DNAH11: variants seen among roughly 807,000 people sequenced by gnomAD.
DNAH11 encodes the protein dynein axonemal heavy chain 11, also known as axonemal beta dynein heavy chain 11.
DNAH11 carries 442 observed loss-of-function variants against 526.0 expected under a neutral mutation model. That is an observed-to-expected ratio of 0.84 (90% CI 0.78 to 0.91). The LOEUF (loss-of-function observed/expected upper bound fraction) is 0.91. Among genes scored for constraint, DNAH11 ranks in the 40% least tolerant of loss-of-function variants. DNAH11 has a pLI of 0.00. For synonymous variants in DNAH11, 2,461 were observed against 1,935.9 expected (o/e 1.27, Z -7.12); for missense variants, 6,989 against 5,448.7 (o/e 1.28, Z -8.90).
At position 21,589,241 on chromosome 7, in the gene DNAH11, T is replaced by C; in HGVS notation, c.2007T>C (p.Tyr669=). Residue 669 remains tyrosine, a synonymous_variant, in exon 12 of 82, where the codon TAT becomes TAC. Transcript: ENST00000409508. Reference sequence around the variant, plus strand: ...GCAATCCTGATCACGCTTTAGTTTATCAAAAGTATGTTGAAATGACCACTT... The same window carrying C: ...GCAATCCTGATCACGCTTTAGTTTACCAAAAGTATGTTGAAATGACCACTT... ...FLGNPDHALV[Y]QKYVEMTTLL... is the part of the protein sequence containing the mutation. The C allele has an allele frequency of 6.2e-7, 1 of 1,610,150 alleles. No individual in the cohort carries two copies. Among genetic ancestry groups the C allele is most frequent in the South Asian group, 1.1e-5 (1 of 89,774 alleles).
At chr7:21,606,881 T>A in intron 20 of DNAH11, 148 bp downstream of exon 20, 1 of 708,336 alleles carries the variant, frequency 1.4e-6, no homozygotes, top group Non-Finnish European at 2.3e-6. Context: ...AATTTCCCCT[T>A]AAGTAAATTG....
In DNAH11 at chr7:21,544,992, T is replaced by C; in HGVS notation, c.352-14T>C. 10 of 1,562,836 alleles carry C rather than the reference T, an allele frequency of 6.4e-6. No individual in the cohort carries two copies. The highest frequency in any genetic ancestry group is 8.7e-6 in the Non-Finnish European group (10 of 1,153,132). On this transcript the variant is annotated splice_polypyrimidine_tract_variant and intron_variant, in intron 1 of 81. Transcript: ENST00000409508. ...AGAAAACTACTTGAACTAATTATCT[T>C]GCTCTTGTTTTAGATTCCAAGAGAT...
intron 65 of DNAH11, among the ~76,000 whole-genome samples, chr7:21,829,519 C>T (rs1411721115): frequency 6.6e-6 from 1 of 152,166 alleles, no homozygotes; most frequent in African/African-American, 2.4e-5. Context: ...TCTGGTCTAC[C>T]ACAATAGTAA....
chr7:21,573,792 A>G (rs1463303176), intron 8 of DNAH11, among the ~76,000 whole-genome samples: 1 of 152,094 alleles, frequency 6.6e-6, no homozygotes, highest in Non-Finnish European at 1.5e-5. Flanking sequence ...ATCCCCTCTG[A>G]CTACAAACTA....
intron 66 of DNAH11, among the ~76,000 whole-genome samples, chr7:21,850,424 A>C (rs1386674751): frequency 1.3e-5 from 2 of 151,364 alleles, no homozygotes; most frequent in African/African-American, 2.4e-5. Context: ...TTTTATGTCT[A>C]GCATTTCCTT....
intron 30 of DNAH11, among the ~76,000 whole-genome samples, chr7:21,679,643 G>A (rs1783058582): frequency 6.6e-6 from 1 of 152,108 alleles, no homozygotes; most frequent in Admixed American, 6.5e-5. Context: ...TTTCCTTTGT[G>A]TTTGACTCTA....
intron 68 of DNAH11, among the ~76,000 whole-genome samples, chr7:21,859,778 T>C (rs1341511884): frequency 6.6e-6 from 1 of 152,110 alleles, no homozygotes; most frequent in Non-Finnish European, 1.5e-5. Flanking sequence ...TACAACGCCA[T>C]TATCACCAAG....
chr7:21,854,362 A>G lies in DNAH11; in HGVS notation c.11109A>G (p.Glu3703=), dbSNP rs1359149312. 3 of 1,613,834 alleles carry G rather than the reference A, an allele frequency of 1.9e-6. No homozygotes were observed. The highest frequency in any genetic ancestry group is 2.2e-5 in the East Asian group (1 of 44,864). Residue 3703 remains glutamate, a synonymous_variant, in exon 68 of 82, where the codon GAA becomes GAG. Coordinates refer to ENST00000409508, the MANE Select transcript of DNAH11 (RefSeq NM_001277115.2). Reference sequence around the variant, plus strand: ...AAAGAAAAATCAACGAGGCCCGAGAATGTTACAGACCAGTGGCAGCAAGAG... The same window carrying G: ...AAAGAAAAATCAACGAGGCCCGAGAGTGTTACAGACCAGTGGCAGCAAGAG... ...ENERKINEAR[E]CYRPVAARAS... is the part of the protein sequence containing the mutation.
intron 2 of DNAH11, among the ~76,000 whole-genome samples, chr7:21,556,492 A>T (rs552039537): frequency 6.6e-6 from 1 of 152,206 alleles, no homozygotes; most frequent in African/African-American, 2.4e-5. Flanking sequence ...TAGGTAATGC[A>T]TGTTCAGCCC....
At chr7:21,751,293 C>T (rs535956057) in intron 54 of DNAH11, among the ~76,000 whole-genome samples, 1 of 152,300 alleles carries the variant, frequency 6.6e-6, no homozygotes, top group Admixed American at 6.5e-5. Flanking sequence ...CATTGTACTC[C>T]AGCCTGGGTG....
intron 2 of DNAH11, among the ~76,000 whole-genome samples, chr7:21,551,539 T>C (rs1456108602): frequency 6.6e-6 from 1 of 152,222 alleles, no homozygotes; most frequent in African/African-American, 2.4e-5. Context: ...TCTTGGGCTT[T>C]AAGGAGCTTT....
At position 21,645,892 on chromosome 7, in the gene DNAH11, A is replaced by G. The variant is rs551222576; in HGVS notation, c.4944+6827A>G. On this transcript the variant is annotated intron_variant, in intron 28 of 81. Transcript: ENST00000409508. ...TCTTCATAATCTTGCACTAAGCAAAATCTTCTTAAATTGGACACTGAAGTC... is the reference window on the plus strand; with the variant it reads ...TCTTCATAATCTTGCACTAAGCAAAGTCTTCTTAAATTGGACACTGAAGTC... Among the ~76,000 whole-genome samples, 6 of 152,310 alleles carry G rather than the reference A, an allele frequency of 3.9e-5. No individual in the cohort carries two copies. The South Asian group carries it at 1.0e-3, about 26-fold the overall frequency.
chr7:21,836,433 A>G (rs914182020), intron 65 of DNAH11, among the ~76,000 whole-genome samples: 2 of 152,170 alleles, frequency 1.3e-5, no homozygotes, highest in Non-Finnish European at 2.9e-5. Flanking sequence ...TAAAAATCCC[A>G]GAAATCACAC....
intron 65 of DNAH11, among the ~76,000 whole-genome samples, chr7:21,822,431 C>G (rs994317952): frequency 1.8e-4 from 27 of 152,260 alleles, no homozygotes; most frequent in Non-Finnish European, 2.9e-5. Flanking sequence ...CCCCCATGAC[C>G]CAAACATTTC....
chr7:21,828,941 T>G (rs1790427675), intron 65 of DNAH11, among the ~76,000 whole-genome samples: 1 of 152,154 alleles, frequency 6.6e-6, no homozygotes, highest in African/African-American at 2.4e-5. Context: ...TTTTCTTTCC[T>G]TCTTTTCCTT....
chr7:21,628,228 A>C (rs997078484), intron 25 of DNAH11, among the ~76,000 whole-genome samples: 3 of 151,992 alleles, frequency 2.0e-5, no homozygotes, highest in Non-Finnish European at 2.9e-5. Flanking sequence ...AAGATCATGT[A>C]ATCTGAGAAC....
At chr7:21,801,765 C>T (rs1789006857) in intron 62 of DNAH11, among the ~76,000 whole-genome samples, 1 of 152,128 alleles carries the variant, frequency 6.6e-6, no homozygotes, top group Non-Finnish European at 1.5e-5. Context: ...ATACATTTGC[C>T]ATTGAATTCT....
intron 2 of DNAH11, among the ~76,000 whole-genome samples, chr7:21,550,559 G>A (rs541717983): frequency 1.4e-5 from 2 of 141,240 alleles, no homozygotes; most frequent in Non-Finnish European, 3.1e-5. Flanking sequence ...TTGGTTCAAG[G>A]CATTTTAAAG....
Position 21,710,660 on chromosome 7 carries a change from C to A in DNAH11, c.6791C>A (p.Pro2264His). The A allele has an allele frequency of 1.2e-6, 2 of 1,613,180 alleles. No homozygotes were observed. The highest frequency in any genetic ancestry group is 1.7e-6 in the Non-Finnish European group (2 of 1,179,558). ...ATAGTCCTGGATGGCGATATTGACC[C>A]CATGTGGATTGAATCACTGAATACT... The part of the protein sequence containing the change: ...KWIVLDGDID[P>H]MWIESLNTVM... Residue 2264 changes from proline to histidine, a missense_variant, in exon 41 of 82, where the codon CCC becomes CAC. By Grantham distance (77) the Pro-to-His change is moderately conservative (BLOSUM62 -2). Transcript: ENST00000409508.
Sources: gnomAD v4.1 joint callset for allele counts (sites outside exome capture counted in the v4.1 genomes callset) on GRCh38, gnomAD v4.1.1 for gene constraint, MANE v1.5 for transcripts, NCBI Gene and HGNC (gene_info 2026-07-23, HGNC 2026-07-21) for gene names.